Variants in CDK14 observed in about 807,000 individuals in gnomAD.
CDK14 encodes the protein cyclin dependent kinase 14.
A neutral mutation model predicts 60.7 loss-of-function variants in CDK14; 34 were observed. That is an observed-to-expected ratio of 0.56 (90% CI 0.43 to 0.75). The LOEUF is 0.75. Among genes scored for constraint, CDK14 ranks in the 30% least tolerant of loss-of-function variants. The probability of loss-of-function intolerance (pLI) is 0.00; values close to 1 mark genes in which losing one functional copy is unlikely to be tolerated. For missense variants in CDK14, 482 were observed against 564.1 expected, an observed-to-expected ratio of 0.85 and a Z score of 1.47; for synonymous variants, 197 against 203.7, an observed-to-expected ratio of 0.97 and a Z score of 0.28.
chr7:90,619,992 G>C (rs1368943340), intron 2 of CDK14, among the ~76,000 whole-genome samples: 1 of 152,010 alleles, frequency 6.6e-6, no homozygotes, highest in Admixed American at 6.6e-5. Context: ...CAAGACTCTC[G>C]AAACAACAAC....
intron 6 of CDK14, among the ~76,000 whole-genome samples, chr7:90,870,027 G>A (rs1791315016): frequency 1.3e-5 from 2 of 152,192 alleles, no homozygotes; most frequent in African/African-American, 4.8e-5. Context: ...TGACTGCACA[G>A]GACCATAAGA....
chr7:90,637,097 A>G (rs1437918665), intron 2 of CDK14, among the ~76,000 whole-genome samples: 1 of 152,146 alleles, frequency 6.6e-6, no homozygotes, highest in African/African-American at 2.4e-5. Context: ...TTCTGGATTC[A>G]TTAATTTTTT....
chr7:90,823,668 T>TA (rs777104767), intron 5 of CDK14, among the ~76,000 whole-genome samples: 2 of 152,198 alleles, frequency 1.3e-5, no homozygotes, highest in African/African-American at 2.4e-5. Flanking sequence ...CATCGGCACT[T>TA]AGTCAGTGTG....
At chr7:91,035,385 G>A (rs534427670) in intron 10 of CDK14, among the ~76,000 whole-genome samples, 5 of 152,240 alleles carry the variant, frequency 3.3e-5, no homozygotes, top group African/African-American at 1.2e-4. Flanking sequence ...AGCTTTTATC[G>A]TTAGAATGCC....
intron 14 of CDK14, among the ~76,000 whole-genome samples, chr7:91,176,003 C>T (rs1291281073): frequency 8.1e-4 from 124 of 152,178 alleles, no homozygotes; most frequent in African/African-American, 2.8e-3. Context: ...CAACAGAATA[C>T]ACATTCTTTT....
chr7:90,866,330 C>T (rs978737955), intron 6 of CDK14, among the ~76,000 whole-genome samples: 1 of 150,880 alleles, frequency 6.6e-6, no homozygotes, highest in Non-Finnish European at 1.5e-5. Context: ...ATTTCTAAAA[C>T]TTAATGATAA....
intron 14 of CDK14, among the ~76,000 whole-genome samples, chr7:91,166,515 A>G (rs1801351002): frequency 6.6e-6 from 1 of 152,254 alleles, no homozygotes; most frequent in African/African-American, 2.4e-5. Context: ...ATTGTATCAT[A>G]GAAAGCATTC....
chr7:90,757,209 A>T (rs946504863), intron 4 of CDK14, among the ~76,000 whole-genome samples: 37 of 120,298 alleles, frequency 3.1e-4, no homozygotes, highest in Non-Finnish European at 5.2e-4. Context: ...GCATTCTTCC[A>T]GTGTGTGTGT....
At chr7:91,037,426 C>T (rs756863821) in intron 10 of CDK14, among the ~76,000 whole-genome samples, 19 of 152,130 alleles carry the variant, frequency 1.2e-4, no homozygotes, top group Admixed American at 3.3e-4. Context: ...TATGTGTGCG[C>T]GCGCATGTGT....
chr7:91,014,862 C>T (rs1258754603), intron 10 of CDK14, among the ~76,000 whole-genome samples: 1 of 152,190 alleles, frequency 6.6e-6, no homozygotes, highest in Non-Finnish European at 1.5e-5. Context: ...GCCTGGTTGA[C>T]TGGGGCAAGG....
intron 10 of CDK14, among the ~76,000 whole-genome samples, chr7:91,012,360 A>T (rs1035745731): frequency 6.6e-6 from 1 of 152,158 alleles, no homozygotes; most frequent in Non-Finnish European, 1.5e-5. Flanking sequence ...AACTTTATGC[A>T]CTGACATTAC....
At chr7:90,883,331 A>G (rs1363457035) in intron 6 of CDK14, among the ~76,000 whole-genome samples, 1 of 152,192 alleles carries the variant, frequency 6.6e-6, no homozygotes, top group Non-Finnish European at 1.5e-5. Context: ...CTACGCAAAT[A>G]AACTTAGAAA....
chr7:91,100,677 AT>A (rs1419519039), intron 12 of CDK14, among the ~76,000 whole-genome samples: 1 of 152,222 alleles, frequency 6.6e-6, no homozygotes. Flanking sequence ...TTTTGGAATG[AT>A]CTTAAACATT....
intron 14 of CDK14, among the ~76,000 whole-genome samples, chr7:91,157,182 A>G (rs996780072): frequency 6.6e-6 from 1 of 152,226 alleles, no homozygotes; most frequent in African/African-American, 2.4e-5. Flanking sequence ...GTGTATGAAA[A>G]GCAATTTCTT....
At chr7:90,663,445 CT>C (rs1215740713) in intron 2 of CDK14, among the ~76,000 whole-genome samples, 5 of 152,204 alleles carry the variant, frequency 3.3e-5, no homozygotes, top group African/African-American at 1.2e-4. Context: ...TGTTCACAAC[CT>C]GCATTCTCCA....
At chr7:91,038,729 G>A (rs1387691929) in intron 10 of CDK14, among the ~76,000 whole-genome samples, 1 of 152,200 alleles carries the variant, frequency 6.6e-6, no homozygotes, top group East Asian at 1.9e-4. Flanking sequence ...GAACCCAGTG[G>A]GAGGTGATGG....
At chr7:91,144,414 TTCTA>T (rs1800560965) in intron 14 of CDK14, among the ~76,000 whole-genome samples, 1 of 152,248 alleles carries the variant, frequency 6.6e-6, no homozygotes, top group Non-Finnish European at 1.5e-5. Context: ...ATGCTTGAGA[TTCTA>T]TTATTATGGG....
chr7:90,944,022 C>A (rs758449251), intron 8 of CDK14, among the ~76,000 whole-genome samples: 1 of 152,132 alleles, frequency 6.6e-6, no homozygotes, highest in Non-Finnish European at 1.5e-5. Context: ...GGAATAGTTA[C>A]CATGAGAGTG....
rs552373021 is a variant in CDK14, at chr7:91,208,972, C to A, written c.*1836C>A. 6.5e-6 allele frequency: 1 copy of A among 152,696 alleles called. No individual in the cohort carries two copies. Among genetic ancestry groups the A allele is most frequent in the South Asian group, 2.1e-4 (1 of 4,828 alleles). The allele number at this position is 152,696 out of a possible 1,614,324, so 9.5% of individuals were successfully genotyped here. Reference sequence around the variant, plus strand: ...TCATACATTCCAACCCACTGGAAGTCTTTAGAGGTATTTTGATTTAAAGTA... The same window carrying A: ...TCATACATTCCAACCCACTGGAAGTATTTAGAGGTATTTTGATTTAAAGTA... On this transcript the variant is annotated 3_prime_UTR_variant, in exon 15 of 15. Coordinates refer to ENST00000380050, the MANE Select transcript of CDK14 (RefSeq NM_001287135.2).
Sources: gnomAD v4.1 joint callset for allele counts (sites outside exome capture counted in the v4.1 genomes callset) on GRCh38, gnomAD v4.1.1 for gene constraint, MANE v1.5 for transcripts, NCBI Gene and HGNC (gene_info 2026-07-23, HGNC 2026-07-21) for gene names.